CLMN: variants seen among roughly 807,000 people sequenced by gnomAD.
CLMN encodes calmin (calponin-like, transmembrane).
A neutral mutation model predicts 92.7 loss-of-function variants in CLMN; 57 were observed. The ratio of observed to expected loss-of-function variants is 0.61; its 90% confidence interval spans 0.50 to 0.77. The LOEUF (loss-of-function observed/expected upper bound fraction) is 0.77, where lower values mean the gene tolerates loss of function less well. Among genes scored for constraint, CLMN ranks in the 30% least tolerant of loss-of-function variants. The pLI is 0.00. For synonymous variants in CLMN, 466 were observed against 470.6 expected (o/e 0.99, Z 0.13); for missense variants, 1,158 against 1,237.5 (o/e 0.94, Z 0.96).
chr14:95,204,196 C>T lies in CLMN; in HGVS notation c.1153G>A (p.Asp385Asn). Residue 385 changes from aspartate to asparagine, a missense_variant, in exon 9 of 13, where the codon GAC becomes AAC. Coordinates refer to ENST00000298912, the MANE Select transcript of CLMN (RefSeq NM_024734.4). ...CCTGGGCCCCCTTGCAGGACCTGGTCAATAATCTGGTGCATGAACTCGGTG... is the reference window on the plus strand; with the variant it reads ...CCTGGGCCCCCTTGCAGGACCTGGTTAATAATCTGGTGCATGAACTCGGTG... Reference protein sequence around the residue: ...SSTEFMHQIIDQVLQGGPGKT... With the variant: ...SSTEFMHQIINQVLQGGPGKT... The T allele has an allele frequency of 6.2e-7, 1 of 1,614,072 alleles. No individual in the cohort carries two copies. The highest frequency in any genetic ancestry group is 8.5e-7 in the Non-Finnish European group (1 of 1,180,026).
At chr14:95,311,059 G>A (rs1325925393) in intron 1 of CLMN, among the ~76,000 whole-genome samples, 1 of 152,164 alleles carries the variant, frequency 6.6e-6, no homozygotes, top group African/African-American at 2.4e-5. Context: ...GAGAATGTGT[G>A]CAAAGGAGGC....
chr14:95,287,344 A>T (rs1386038937), intron 1 of CLMN, among the ~76,000 whole-genome samples: 1 of 152,216 alleles, frequency 6.6e-6, no homozygotes, highest in Admixed American at 6.5e-5. Flanking sequence ...GCAACATGCA[A>T]ACTACAGAGC....
At chr14:95,197,774 G>A (rs896893402) in intron 9 of CLMN, among the ~76,000 whole-genome samples, 1 of 152,142 alleles carries the variant, frequency 6.6e-6, no homozygotes, top group Non-Finnish European at 1.5e-5. Context: ...TTCTTTTAGG[G>A]GCTGGAAGAA....
At chr14:95,318,305 CAA>C (rs961170314) in intron 1 of CLMN, among the ~76,000 whole-genome samples, 2 of 152,134 alleles carry the variant, frequency 1.3e-5, no homozygotes, top group African/African-American at 4.8e-5. Context: ...GGCTTATTAT[CAA>C]AAGAGATCAC....
chr14:95,193,704 G>A, intron 12 of CLMN, 145 bp downstream of exon 12: 1 of 998,294 alleles, frequency 1.0e-6, no homozygotes, highest in South Asian at 1.8e-5. Context: ...ATTTTCTCTG[G>A]AATAGTTATT....
intron 1 of CLMN, among the ~76,000 whole-genome samples, chr14:95,240,139 A>G (rs1210616329): frequency 6.6e-6 from 1 of 152,234 alleles, no homozygotes; most frequent in Non-Finnish European, 1.5e-5. Flanking sequence ...CAATGTTTGT[A>G]CAACAAAATC....
At chr14:95,250,044 T>G (rs1052048456) in intron 1 of CLMN, among the ~76,000 whole-genome samples, 3 of 149,462 alleles carry the variant, frequency 2.0e-5, no homozygotes, top group Admixed American at 6.6e-5. Flanking sequence ...TTAATCTGCC[T>G]TCCCAAAACA....
Position 95,252,205 on chromosome 14 carries a change from A to C in CLMN, c.83-22072T>G, listed in dbSNP as rs185529328. On this transcript the variant is annotated intron_variant, in intron 1 of 12. Transcript: ENST00000298912. ...TTTTAAAAATTTAAAAACCAAAGCA[A>C]CCAGGGGTCAAGTGCAGGCCCTCAG... 8.0e-4 allele frequency among the ~76,000 whole-genome samples: 122 copies of C among 152,150 alleles called. 1 individual carries two copies. The highest frequency in any genetic ancestry group is 2.8e-3 in the African/African-American group (115 of 41,504).
chr14:95,273,351 G>A (rs985866336), intron 1 of CLMN, among the ~76,000 whole-genome samples: 1 of 152,166 alleles, frequency 6.6e-6, no homozygotes, highest in Non-Finnish European at 1.5e-5. Flanking sequence ...CCACTCCAGA[G>A]GCCACACGTC....
rs1350883521 is a variant in CLMN, at chr14:95,259,939, G to A, written c.83-29806C>T. On this transcript the variant is annotated intron_variant, in intron 1 of 12. Coordinates refer to ENST00000298912, the MANE Select transcript of CLMN (RefSeq NM_024734.4). The surrounding 1 kb of genome is among the most constrained non-coding windows in gnomAD (Gnocchi z 4.3). The stretch of plus-strand genomic sequence containing the variant: ...GGCCTTTGCACACGCTGTTCCTGCT[G>A]TCTGGCACTCTCTCCCTGCACTTCT... Among the ~76,000 whole-genome samples the A allele has an allele frequency of 1.3e-5, 2 of 152,080 alleles. No individual in the cohort carries two copies. The highest frequency in any genetic ancestry group is 2.9e-5 in the Non-Finnish European group (2 of 68,022).
At chr14:95,202,145 T>C (rs1896903458) in intron 9 of CLMN, among the ~76,000 whole-genome samples, 1 of 152,296 alleles carries the variant, frequency 6.6e-6, no homozygotes, top group South Asian at 2.1e-4. Flanking sequence ...TGAAATCAGA[T>C]GGAGGAATCA....
chr14:95,217,570 C>T (rs1474334034), intron 4 of CLMN, among the ~76,000 whole-genome samples: 2 of 152,238 alleles, frequency 1.3e-5, no homozygotes, highest in African/African-American at 2.4e-5. Context: ...GCATTCATCA[C>T]GAGCGCAAGT....
chr14:95,259,666 C>G lies in CLMN; in HGVS notation c.83-29533G>C, dbSNP rs918602099. On this transcript the variant is annotated intron_variant, in intron 1 of 12. Transcript: ENST00000298912. This position sits in a 1 kb window ranked among gnomAD's most constrained non-coding sequence, Gnocchi z 4.3. ...GCCCACCCCCACCCCCAGGTGGGACCAGCACAGGGCAGATACCTGTTCTGA... is the reference window on the plus strand; with the variant it reads ...GCCCACCCCCACCCCCAGGTGGGACGAGCACAGGGCAGATACCTGTTCTGA... Among the ~76,000 whole-genome samples, 1 of 152,148 alleles carries G rather than the reference C, an allele frequency of 6.6e-6. No homozygotes were observed. Among genetic ancestry groups the G allele is most frequent in the African/African-American group, 2.4e-5 (1 of 41,418 alleles).
At position 95,190,481 on chromosome 14, in the gene CLMN, A is replaced by G. The variant is rs1202010712; in HGVS notation, c.*1083T>C. On this transcript the variant is annotated 3_prime_UTR_variant, in exon 13 of 13. Transcript: ENST00000298912. ...AAGGGGAGGAGGAACCAATGCAGAG[A>G]CTCACCACGGACCTGAGTCTTGGCA... 6.6e-6 allele frequency: 1 copy of G among 152,430 alleles called. No individual in the cohort carries two copies. Among genetic ancestry groups the G allele is most frequent in the Non-Finnish European group, 1.5e-5 (1 of 68,286 alleles). The allele number at this position is 152,430 out of a possible 1,614,324, so 9.4% of individuals were successfully genotyped here.
intron 1 of CLMN, among the ~76,000 whole-genome samples, chr14:95,244,736 G>A (rs1016564225): frequency 2.6e-5 from 4 of 152,030 alleles, no homozygotes; most frequent in South Asian, 2.1e-4. Context: ...AGATGAACCC[G>A]TGCATCTATG....
chr14:95,276,916 G>C (rs1176928237), intron 1 of CLMN, among the ~76,000 whole-genome samples: 1 of 150,984 alleles, frequency 6.6e-6, no homozygotes, highest in Non-Finnish European at 1.5e-5. Flanking sequence ...AGAGGTTTTT[G>C]CCTATGGTTC....
chr14:95,291,789 G>C (rs1427224107), intron 1 of CLMN, among the ~76,000 whole-genome samples: 1 of 152,218 alleles, frequency 6.6e-6, no homozygotes, highest in East Asian at 1.9e-4. Flanking sequence ...TGCAAAGCTG[G>C]AGAAGCCGTG....
chr14:95,262,902 G>A (rs1899315176), intron 1 of CLMN, among the ~76,000 whole-genome samples: 1 of 152,186 alleles, frequency 6.6e-6, no homozygotes, highest in Non-Finnish European at 1.5e-5. Flanking sequence ...GCCTCAGAGA[G>A]TCAAGTCATG....
chr14:95,222,636 TA>T (rs1897583343), intron 3 of CLMN: 1 of 455,326 alleles, frequency 2.2e-6, no homozygotes, highest in African/African-American at 2.0e-5. Context: ...GCTGGGAGCA[TA>T]AACAAGGGAC....
Sources: allele counts gnomAD v4.1 joint callset (sites outside exome capture counted in the v4.1 genomes callset), GRCh38; gene constraint gnomAD v4.1.1; non-coding constraint Gnocchi (gnomAD v3.1); transcripts MANE v1.5; gene names NCBI Gene and HGNC (gene_info 2026-07-23, HGNC 2026-07-21).